The following PTBP3 variants were observed in gnomAD, a reference collection of about 807,000 sequenced individuals.
The protein encoded by PTBP3 is polypyrimidine tract binding protein 3, also known as polypyrimidine tract-binding protein 3.
In PTBP3, 20 loss-of-function variants were observed where a neutral mutation model predicts 58.7. That is an observed-to-expected ratio of 0.34 (90% CI 0.24 to 0.50). The LOEUF (loss-of-function observed/expected upper bound fraction) is 0.50. PTBP3 is among the 20% of genes least tolerant of loss of function. The pLI, the probability that PTBP3 is intolerant of heterozygous loss-of-function variation, is 0.98. For synonymous variants in PTBP3, 185 were observed against 219.8 expected, an observed-to-expected ratio of 0.84 and a Z score of 1.40; for missense variants, 509 against 637.2, an observed-to-expected ratio of 0.80 and a Z score of 2.17.
chr9:112,244,027 C>T (rs1037931953), intron 7 of PTBP3, among the ~76,000 whole-genome samples: 1 of 151,906 alleles, frequency 6.6e-6, no homozygotes, highest in East Asian at 1.9e-4. Flanking sequence ...AATAGCAGGG[C>T]ACAGTGGCTC....
rs139515733 is a variant in PTBP3, at chr9:112,222,427, G to A, written c.*1424C>T. The A allele has an allele frequency of 4.1e-6, 4 of 985,550 alleles. No homozygotes were observed. In the African/African-American group the frequency reaches 7.0e-5, roughly 17 times the overall value. The allele number at this position is 985,550 out of a possible 1,614,324, so 61.1% of individuals were successfully genotyped here. ...AACAAAGAAAAGCAAGTTCTCGCTT[G>A]AGGACTGAGAAAAACCAAGTAATCC... On this transcript the variant is annotated 3_prime_UTR_variant, in exon 14 of 14. Transcript: ENST00000374257.
chr9:112,308,060 CCTTT>C (rs901598502), intron 1 of PTBP3, among the ~76,000 whole-genome samples: 5 of 152,180 alleles, frequency 3.3e-5, no homozygotes, highest in Non-Finnish European at 7.3e-5. Context: ...TTAAACATTC[CCTTT>C]TTTTGAGACA....
At chr9:112,303,596 T>A (rs764345618) in intron 1 of PTBP3, among the ~76,000 whole-genome samples, 6 of 152,188 alleles carry the variant, frequency 3.9e-5, no homozygotes, top group Non-Finnish European at 7.3e-5. Context: ...CTGGGCGCGG[T>A]GGCTCACGCC....
chr9:112,318,295 T>A (rs1336178931), intron 1 of PTBP3, among the ~76,000 whole-genome samples: 2 of 152,156 alleles, frequency 1.3e-5, no homozygotes, highest in African/African-American at 4.8e-5. Context: ...CAAAAAAAGG[T>A]AATAAGTAAG....
intron 1 of PTBP3, among the ~76,000 whole-genome samples, chr9:112,323,969 T>C (rs1289561544): frequency 6.6e-6 from 1 of 152,098 alleles, no homozygotes; most frequent in Non-Finnish European, 1.5e-5. Context: ...CCTTGGCATA[T>C]CATTCAAACT....
intron 2 of PTBP3, among the ~76,000 whole-genome samples, chr9:112,287,030 A>C (rs1828153027): frequency 6.6e-6 from 1 of 152,066 alleles, no homozygotes. Context: ...CGTCTCCACC[A>C]ATCCCCACCC....
At chr9:112,275,703 C>CA (rs79460841) in intron 3 of PTBP3, 141 bp downstream of exon 3, 1 of 705,832 alleles carries the variant, frequency 1.4e-6, no homozygotes, top group South Asian at 2.9e-5. Context: ...TACACCCCCC[C>CA]AAAAAAATCT....
chr9:112,262,561 T>C lies in PTBP3; in HGVS notation c.390A>G (p.Gln130=), dbSNP rs140763640. 396 of 1,611,184 alleles carry C rather than the reference T, an allele frequency of 2.5e-4. 1 individual carries two copies. In the African/African-American group the frequency reaches 3.9e-3, roughly 16 times the overall value. ...QAALQAVSAV[Q]SGSLALSGGP... Reference sequence around the variant, plus strand: ...CTCCAGAAAGGGCCAGGCTTCCTGATTGGACGGCACTGACAGCCTGCAGTG... The same window carrying C: ...CTCCAGAAAGGGCCAGGCTTCCTGACTGGACGGCACTGACAGCCTGCAGTG... The change falls in exon 5 of 14, where the codon CAA becomes CAG. Residue 130 remains glutamine, a synonymous_variant. Transcript: ENST00000374257.
chr9:112,354,158 A>G, the PTBP3 span, among the ~76,000 whole-genome samples: 67 of 152,286 alleles, frequency 4.4e-4, no homozygotes, highest in African/African-American at 1.5e-3. Flanking sequence ...ACAAGGAGCC[A>G]GATAGATTGG....
At chr9:112,318,202 A>C (rs1829784511) in intron 1 of PTBP3, among the ~76,000 whole-genome samples, 1 of 152,210 alleles carries the variant, frequency 6.6e-6, no homozygotes, top group Admixed American at 6.5e-5. Context: ...AAAAAGAAAT[A>C]AAGGTCACCC....
rs938830333 is a variant in PTBP3 at position 112,223,554 on chromosome 9, C to T, written c.*297G>A. 8 of 1,005,368 alleles carry T rather than the reference C, an allele frequency of 8.0e-6. No individual in the cohort carries two copies. Among genetic ancestry groups the T allele is most frequent in the Non-Finnish European group, 9.8e-6 (8 of 819,416 alleles). 62.3% of individuals were successfully genotyped at this position (1,005,368 alleles called of 1,614,324 possible). A position where few individuals can be genotyped will look rare whatever the true frequency, so the allele number is the denominator to read the frequency against. On this transcript the variant is annotated 3_prime_UTR_variant, in exon 14 of 14. Coordinates refer to ENST00000374257, the MANE Select transcript of PTBP3 (RefSeq NM_001163788.4). ...AAACTAAAACAACGTTAATCCTCTT[C>T]AAATCTAATTTAATATAGGGAATAA...
chr9:112,333,039 C>CA (rs1193132126), intron 1 of PTBP3: 30 of 1,271,894 alleles, frequency 2.4e-5, no homozygotes, highest in Middle Eastern at 6.0e-4. Flanking sequence ...CGGTAAACAG[C>CA]AACTCCCCCG....
chr9:112,330,344 T>A (rs2900539), intron 1 of PTBP3: 759,854 of 938,506 alleles, frequency 0.81, 308,851 homozygotes, highest in African/African-American at 0.93. Flanking sequence ...ATTAAAGACT[T>A]TTACACAATA....
intron 6 of PTBP3, 56 bp from the exon 7 acceptor site, chr9:112,251,159 G>A (rs1836099817): frequency 2.2e-6 from 3 of 1,341,870 alleles, no homozygotes; most frequent in Non-Finnish European, 2.9e-6. Flanking sequence ...TGATAACCAA[G>A]AAGCCTCTAC....
intron 1 of PTBP3, among the ~76,000 whole-genome samples, chr9:112,325,179 G>C (rs1418749459): frequency 6.6e-6 from 1 of 152,096 alleles, no homozygotes; most frequent in Non-Finnish European, 1.5e-5. Flanking sequence ...AAAGAGGGAA[G>C]GGTCCCCGGA....
chr9:112,285,239 G>T (rs895817396), intron 2 of PTBP3, among the ~76,000 whole-genome samples: 1 of 152,154 alleles, frequency 6.6e-6, no homozygotes, highest in African/African-American at 2.4e-5. Flanking sequence ...GCGATTGGCA[G>T]TTCCTCCTTC....
rs1459902883 is a variant in PTBP3 at position 112,220,909 on chromosome 9, AAC to A, written c.*2940_*2941del. The A allele has an allele frequency of 2.1e-6, 2 of 967,036 alleles. No individual in the cohort carries two copies. Among genetic ancestry groups the A allele is most frequent in the South Asian group, 4.8e-5 (1 of 20,844 alleles). 59.9% of individuals were successfully genotyped at this position (967,036 alleles called of 1,614,324 possible). A position where few individuals can be genotyped will look rare whatever the true frequency, so the allele number is the denominator to read the frequency against. ...TAAAAATAGGATACTACGGTAGATC[AAC>A]AGAGAAAAACCATTGCTAGAAGATA... is the stretch of plus-strand genomic sequence containing the variant. On this transcript the variant is annotated 3_prime_UTR_variant, in exon 14 of 14. Coordinates refer to ENST00000374257, the MANE Select transcript of PTBP3 (RefSeq NM_001163788.4).
At chr9:112,367,838 C>A in the PTBP3 span, among the ~76,000 whole-genome samples, 1 of 152,120 alleles carries the variant, frequency 6.6e-6, no homozygotes, top group Non-Finnish European at 1.5e-5. Flanking sequence ...TTTCCCTTCC[C>A]AATTTGGGGA....
At chr9:112,300,236 T>C (rs1368660844) in intron 1 of PTBP3, among the ~76,000 whole-genome samples, 3 of 152,324 alleles carry the variant, frequency 2.0e-5, no homozygotes, top group African/African-American at 7.2e-5. Context: ...GATCCTTACA[T>C]AGTCTACTCC....
Sources: gnomAD v4.1 joint callset for allele counts (sites outside exome capture counted in the v4.1 genomes callset) on GRCh38, gnomAD v4.1.1 for gene constraint, MANE v1.5 for transcripts, NCBI Gene and HGNC (gene_info 2026-07-23, HGNC 2026-07-21) for gene names.